Variants in GOLGA3 observed in about 807,000 individuals in gnomAD.
GOLGA3 encodes golgin A3.
In GOLGA3, 75 loss-of-function variants were observed where a neutral mutation model predicts 169.4. The observed-to-expected ratio is 0.44, with a 90% CI of 0.37 to 0.54. GOLGA3 has a LOEUF of 0.54. GOLGA3 is among the 20% of genes least tolerant of loss of function. The pLI, the probability that GOLGA3 is intolerant of heterozygous loss-of-function variation, is 0.00. For missense variants in GOLGA3, 1,899 were observed against 1,930.0 expected, an observed-to-expected ratio of 0.98 and a Z score of 0.30; for synonymous variants, 824 against 822.4, an observed-to-expected ratio of 1.00 and a Z score of -0.03.
chr12:132,787,715 C>T (rs532095475), intron 13 of GOLGA3, among the ~76,000 whole-genome samples: 1 of 55,826 alleles, frequency 1.8e-5, no homozygotes, highest in Admixed American at 1.6e-4. Flanking sequence ...CCCGGGACCC[C>T]TCCCCGGAGA....
chr12:132,812,539 T>A (rs1949770865), intron 4 of GOLGA3, among the ~76,000 whole-genome samples: 1 of 152,054 alleles, frequency 6.6e-6, no homozygotes, highest in Non-Finnish European at 1.5e-5. Context: ...GGTCAAAATA[T>A]CAACATTAAC....
intron 11 of GOLGA3, among the ~76,000 whole-genome samples, chr12:132,794,091 G>A (rs568438616): frequency 9.9e-5 from 15 of 152,190 alleles, no homozygotes; most frequent in African/African-American, 2.4e-4. Context: ...TGATCCTCAC[G>A]TCACCTGCCC....
At position 132,786,674 on chromosome 12, in the gene GOLGA3, C is replaced by CG. The variant is rs762719873; in HGVS notation, c.2906+18dup. On this transcript the variant is annotated intron_variant, in intron 14 of 23. Transcript: ENST00000450791. The stretch of plus-strand genomic sequence containing the variant: ...TCCCACCTGGCCCCCGCACCTCCCC[C>CG]GGGCACATGCAGACTTACTTCCGGG... 3 of 1,583,662 alleles carry CG rather than the reference C, an allele frequency of 1.9e-6. No individual in the cohort carries two copies. In the South Asian group the frequency reaches 3.3e-5, roughly 18 times the overall value.
chr12:132,785,704 A>G (rs558280886), intron 15 of GOLGA3, among the ~76,000 whole-genome samples: 40 of 152,348 alleles, frequency 2.6e-4, no homozygotes, highest in Middle Eastern at 3.4e-3. Flanking sequence ...CAAACCACAT[A>G]TAAGAAGAAA....
rs2044787738 is a variant in GOLGA3, at chr12:132,769,252, C to G, written c.*3853G>C. 1 of 152,408 alleles carries G rather than the reference C, an allele frequency of 6.6e-6. No homozygotes were observed. The highest frequency in any genetic ancestry group is 1.9e-4 in the East Asian group (1 of 5,188). 9.4% of individuals were successfully genotyped at this position (152,408 alleles called of 1,614,324 possible). A position where few individuals can be genotyped will look rare whatever the true frequency, so the allele number is the denominator to read the frequency against. ...ACTCAACTCAAGTCCCTCCTCACAT[C>G]AGAGGGCTCCTCGAAGGGAGGCCCC... On this transcript the variant is annotated 3_prime_UTR_variant, in exon 24 of 24. Transcript: ENST00000450791.
At chr12:132,780,527 G>T (rs932889196) in intron 18 of GOLGA3, among the ~76,000 whole-genome samples, 2 of 152,254 alleles carry the variant, frequency 1.3e-5, no homozygotes. Context: ...AATGCAACAC[G>T]ACATACAGGA....
chr12:132,791,330 C>G (rs1419637349), intron 11 of GOLGA3, 37 bp from the exon 12 acceptor site: 1 of 1,200,342 alleles, frequency 8.3e-7, no homozygotes, highest in Non-Finnish European at 1.2e-6. Flanking sequence ...ACACTGACGG[C>G]TCCAGGAGGG....
At chr12:132,780,447 T>C (rs1427628237) in intron 18 of GOLGA3, among the ~76,000 whole-genome samples, 1 of 152,104 alleles carries the variant, frequency 6.6e-6, no homozygotes, top group African/African-American at 2.4e-5. Context: ...CAGAGAAGGG[T>C]CCACAGAACC....
chr12:132,786,886 A>G, intron 13 of GOLGA3, 99 bp from the exon 14 acceptor site: 3 of 825,774 alleles, frequency 3.6e-6, no homozygotes, highest in East Asian at 2.4e-5. Flanking sequence ...GGCACTGCTC[A>G]GGCTCGCCCT....
rs763015781 is a variant in GOLGA3, at chr12:132,808,057, T to A, written c.1012A>T (p.Thr338Ser). Residue 338 changes from threonine to serine, a missense_variant, in exon 5 of 24, where the codon ACG (threonine) becomes TCG (serine). Coordinates refer to ENST00000450791, the MANE Select transcript of GOLGA3 (RefSeq NM_001389683.1). The stretch of plus-strand genomic sequence containing the variant: ...TTGACCATATAGGGGGTGTCCTGCG[T>A]GCCCACTGTCTTCGACAGAATGCCA... ...TYGILSKTVGTQDTPYMVNGQ... is the reference protein window; with the variant it reads ...TYGILSKTVGSQDTPYMVNGQ... 1 of 1,600,972 alleles carries A rather than the reference T, an allele frequency of 6.2e-7. No homozygotes were observed. The highest frequency in any genetic ancestry group is 8.5e-7 in the Non-Finnish European group (1 of 1,172,350).
upstream of GOLGA3, chr12:132,828,987 C>T (rs1476433191): frequency 1.3e-5 from 2 of 152,330 alleles, no homozygotes; most frequent in African/African-American, 4.8e-5. Flanking sequence ...GGGCCGGGGA[C>T]CCTCTGCCCA....
In GOLGA3 at chr12:132,816,758, T is replaced by C. The variant is rs568904219; in HGVS notation, c.188A>G (p.Gln63Arg). ...TEGESPDGPG[Q>R]GGLCQNGPTP... is the part of the protein sequence containing the mutation. ...TGGCCCGTTCTGACAGAGGCCTCCC[T>C]GGCCAGGTCCATCCGGGCTTTCCCC... The change falls in exon 3 of 24, where the codon CAG becomes CGG. Residue 63 changes from glutamine (Q) to arginine (R), a missense_variant. Transcript: ENST00000450791. 16 of 1,612,342 alleles carry C rather than the reference T, an allele frequency of 9.9e-6. No individual in the cohort carries two copies. The South Asian group carries it at 1.8e-4, about 18-fold the overall frequency.
chr12:132,821,833 G>GA (rs1469529817), intron 2 of GOLGA3, among the ~76,000 whole-genome samples, 163 bp downstream of exon 2: 4 of 122,632 alleles, frequency 3.3e-5, no homozygotes, highest in Non-Finnish European at 6.7e-5. Context: ...CAGCCTGGGC[G>GA]AAAGAGCGAG....
rs764864289 is a variant in GOLGA3 at position 132,780,793 on chromosome 12, C to T, written c.3582+5G>A. ...ACGCCCTGTGAGACGGAAGGTGGCACGCACCTGCTCCTTGAGGCTGTTCAC... is the reference window on the plus strand; with the variant it reads ...ACGCCCTGTGAGACGGAAGGTGGCATGCACCTGCTCCTTGAGGCTGTTCAC... On this transcript the variant is annotated splice_donor_5th_base_variant and intron_variant, in intron 18 of 23. Transcript: ENST00000450791. The T allele has an allele frequency of 8.3e-6, 13 of 1,575,680 alleles. No homozygotes were observed. Among genetic ancestry groups the T allele is most frequent in the East Asian group, 4.5e-5 (2 of 44,678 alleles).
Position 132,777,821 on chromosome 12 carries a change from C to G in GOLGA3, c.3583-16G>C. On this transcript the variant is annotated splice_polypyrimidine_tract_variant and intron_variant, in intron 18 of 23. Transcript: ENST00000450791. The surrounding 1 kb of genome is among the most constrained non-coding windows in gnomAD (Gnocchi z 4.7). ...CAGCAGCCACCTAGGAGGAAGGAAG[C>G]CACGTTGTCCATGCCCTGCGTGACA... 1 of 1,612,722 alleles carries G rather than the reference C, an allele frequency of 6.2e-7. No individual in the cohort carries two copies. Among genetic ancestry groups the G allele is most frequent in the Non-Finnish European group, 8.5e-7 (1 of 1,179,504 alleles).
chr12:132,774,592 A>G, intron 22 of GOLGA3: 1 of 537,290 alleles, frequency 1.9e-6, no homozygotes, highest in Admixed American at 3.4e-5. Flanking sequence ...GCCGAGCCAC[A>G]GACTACAGCT....
intron 7 of GOLGA3, among the ~76,000 whole-genome samples, chr12:132,802,448 G>A (rs893994594): frequency 6.8e-6 from 1 of 147,080 alleles, no homozygotes; most frequent in East Asian, 2.1e-4. Context: ...GCAACACAGC[G>A]AGATCCCCCA....
In GOLGA3 at chr12:132,773,136, C is replaced by T. The variant is rs2044988557; in HGVS notation, c.4466G>A (p.Ser1489Asn). 30 of 1,587,264 alleles carry T rather than the reference C, an allele frequency of 1.9e-5. No individual in the cohort carries two copies. Among genetic ancestry groups the T allele is most frequent in the Non-Finnish European group, 2.4e-5 (28 of 1,166,220 alleles). Residue 1489 changes from serine to asparagine, a missense_variant, in exon 24 of 24, where the codon AGC becomes AAC. Ser to Asn is a conservative substitution (Grantham distance 46, BLOSUM62 1). Coordinates refer to ENST00000450791, the MANE Select transcript of GOLGA3 (RefSeq NM_001389683.1). ...TCCCGGCCCTTCTTTGGAAGCCCTGCTCTGACTGTGTCTCTGTGGGTCGCC... is the reference window on the plus strand; with the variant it reads ...TCCCGGCCCTTCTTTGGAAGCCCTGTTCTGACTGTGTCTCTGTGGGTCGCC... ...PRGDPQRHSQSRASKEGPGE is the reference protein window; with the variant it reads ...PRGDPQRHSQNRASKEGPGE
chr12:132,774,080 C>T (rs2045072804), intron 23 of GOLGA3, 77 bp downstream of exon 23: 1 of 1,346,462 alleles, frequency 7.4e-7, no homozygotes, highest in East Asian at 2.3e-5. Context: ...TCAGTACTGG[C>T]ACCAGGAGTG....
Sources: gnomAD v4.1 joint callset for allele counts (sites outside exome capture counted in the v4.1 genomes callset) on GRCh38, gnomAD v4.1.1 for gene constraint, Gnocchi (gnomAD v3.1) non-coding constraint, MANE v1.5 for transcripts, NCBI Gene and HGNC (gene_info 2026-07-23, HGNC 2026-07-21) for gene names.